Variants in MAGI2 observed in about 807,000 individuals in gnomAD.
MAGI2 encodes membrane-associated guanylate kinase, WW and PDZ domain-containing protein 2.
Under a neutral mutation model 133.3 loss-of-function variants are expected in MAGI2, and 35 were observed. The ratio of observed to expected loss-of-function variants is 0.26; its 90% CI spans 0.20 to 0.35. MAGI2 has a LOEUF of 0.35. Ranked by LOEUF, MAGI2 falls within the 10% of genes least tolerant of loss-of-function variation. MAGI2 has a pLI of 1.00. For missense variants in MAGI2, 1,636 were observed against 1,863.4 expected (o/e 0.88, Z 2.25); for synonymous variants, 729 against 710.6 (o/e 1.03, Z -0.41).
chr7:79,344,314 T>G (rs1841143638), intron 1 of MAGI2, among the ~76,000 whole-genome samples: 1 of 152,104 alleles, frequency 6.6e-6, no homozygotes, highest in South Asian at 2.1e-4. Flanking sequence ...ACTCCCAAGA[T>G]GTTTACAGGC....
chr7:78,061,344 A>G (rs1439312256), intron 21 of MAGI2, among the ~76,000 whole-genome samples: 3 of 150,848 alleles, frequency 2.0e-5, no homozygotes, highest in Middle Eastern at 3.2e-3. Flanking sequence ...CAGAATGACA[A>G]TGGGAATGGA....
At chr7:78,818,834 A>G (rs1789832889) in intron 2 of MAGI2, among the ~76,000 whole-genome samples, 3 of 152,090 alleles carry the variant, frequency 2.0e-5, no homozygotes, top group Non-Finnish European at 2.9e-5. Flanking sequence ...GTTACTAAAA[A>G]CTTGAGACTG....
intron 4 of MAGI2, among the ~76,000 whole-genome samples, chr7:78,505,958 G>A (rs1205015539): frequency 1.9e-5 from 2 of 103,976 alleles, no homozygotes; most frequent in African/African-American, 1.0e-4. Flanking sequence ...AATGAGGGCT[G>A]GATTAAGTGA....
Position 78,836,617 on chromosome 7 carries a change from A to G in MAGI2, c.418+170473T>C, listed in dbSNP as rs553430803. On this transcript the variant is annotated intron_variant, in intron 2 of 21. Transcript: ENST00000354212. ...TTAGTGATAGCTTAACTTCTTTTGG[A>G]GAAATCACCATTTGTTTTACAACTT... is the stretch of plus-strand genomic sequence containing the variant. 3.2e-4 allele frequency among the ~76,000 whole-genome samples: 48 copies of G among 152,276 alleles called. No individual in the cohort carries two copies. The South Asian group carries it at 9.5e-3, about 30-fold the overall frequency.
chr7:78,233,572 A>G (rs1297300812), intron 10 of MAGI2, among the ~76,000 whole-genome samples: 1 of 152,122 alleles, frequency 6.6e-6, no homozygotes, highest in African/African-American at 2.4e-5. Flanking sequence ...ATACTTGGAT[A>G]ATCTTTCAAG....
At chr7:78,986,321 C>G (rs954991759) in intron 2 of MAGI2, among the ~76,000 whole-genome samples, 2 of 152,012 alleles carry the variant, frequency 1.3e-5, no homozygotes, top group Admixed American at 6.6e-5. Flanking sequence ...ATTTAAGAAT[C>G]TATTTTTCCT....
chr7:79,321,098 T>A (rs950409286), intron 1 of MAGI2, among the ~76,000 whole-genome samples: 2 of 152,166 alleles, frequency 1.3e-5, no homozygotes, highest in Non-Finnish European at 2.9e-5. Flanking sequence ...TGCAGTACTA[T>A]GGTCCTTTTT....
chr7:78,972,878 C>T lies in MAGI2; in HGVS notation c.418+34212G>A, dbSNP rs542507605. ...ATATGCTTATTTTGGGAGGTATTTACGGCTAAAATTAACTGAAGTAAAGAG... is the reference window on the plus strand; with the variant it reads ...ATATGCTTATTTTGGGAGGTATTTATGGCTAAAATTAACTGAAGTAAAGAG... On this transcript the variant is annotated intron_variant, in intron 2 of 21. Transcript: ENST00000354212. 4.8e-3 allele frequency among the ~76,000 whole-genome samples: 729 copies of T among 151,326 alleles called. 9 individuals carry two copies. The highest frequency in any genetic ancestry group is 6.6e-3 in the Non-Finnish European group (449 of 67,782).
intron 9 of MAGI2, among the ~76,000 whole-genome samples, chr7:78,281,475 A>G (rs1010904945): frequency 6.6e-6 from 1 of 152,112 alleles, no homozygotes; most frequent in Admixed American, 6.6e-5. Flanking sequence ...TTGTGAAGTA[A>G]GTAAGTGCCT....
chr7:78,192,834 G>A (rs538618852), intron 12 of MAGI2, among the ~76,000 whole-genome samples: 15 of 152,242 alleles, frequency 9.9e-5, no homozygotes, highest in African/African-American at 3.6e-4. Flanking sequence ...AGCAGGAAGG[G>A]GTTGTGATGA....
intron 3 of MAGI2, among the ~76,000 whole-genome samples, chr7:78,592,993 C>G (rs1027281263): frequency 6.6e-6 from 1 of 151,766 alleles, no homozygotes; most frequent in African/African-American, 2.4e-5. Context: ...GCCACCACAC[C>G]AAGCATTTTT....
chr7:78,255,623 T>C, intron 10 of MAGI2: 1 of 537,508 alleles, frequency 1.9e-6, no homozygotes, highest in Non-Finnish European at 3.2e-6. Context: ...GAGTTCTCCA[T>C]GACCGATACA....
chr7:78,614,377 C>A (rs1806836545), intron 3 of MAGI2: 1 of 151,260 alleles, frequency 6.6e-6, no homozygotes, highest in Admixed American at 6.6e-5. Context: ...TGTAAATTCA[C>A]ATTTTATTAA....
At chr7:78,439,543 C>A (rs1415986063) in intron 6 of MAGI2, among the ~76,000 whole-genome samples, 1 of 152,046 alleles carries the variant, frequency 6.6e-6, no homozygotes, top group Non-Finnish European at 1.5e-5. Flanking sequence ...GGGGGCACAG[C>A]AAGAGTGAAG....
intron 1 of MAGI2, among the ~76,000 whole-genome samples, chr7:79,408,538 G>A (rs115412295): frequency 6.6e-6 from 1 of 151,906 alleles, no homozygotes; most frequent in Admixed American, 6.6e-5. Context: ...ATAAGTGAGG[G>A]ATTAAATAAA....
intron 3 of MAGI2, among the ~76,000 whole-genome samples, chr7:78,574,832 A>T (rs944820884): frequency 2.0e-5 from 3 of 152,246 alleles, no homozygotes; most frequent in African/African-American, 2.4e-5. Context: ...TGGCAAGGTG[A>T]TGACGGTGAA....
chr7:79,010,318 G>A (rs1475640320), intron 1 of MAGI2, among the ~76,000 whole-genome samples: 1 of 151,824 alleles, frequency 6.6e-6, no homozygotes, highest in Non-Finnish European at 1.5e-5. Context: ...TAGGTATAAA[G>A]GCATATTTAT....
At chr7:79,164,600 T>C (rs769975470) in intron 1 of MAGI2, among the ~76,000 whole-genome samples, 1 of 151,992 alleles carries the variant, frequency 6.6e-6, no homozygotes, top group Non-Finnish European at 1.5e-5. Flanking sequence ...CCACAGTCTT[T>C]TACCCTGAAC....
At chr7:78,050,753 GCT>G (rs1811923976) in intron 21 of MAGI2, among the ~76,000 whole-genome samples, 1 of 152,084 alleles carries the variant, frequency 6.6e-6, no homozygotes, top group Admixed American at 6.5e-5. Flanking sequence ...GGGCCTGTCT[GCT>G]CTAGTTCTCA....
Sources: allele counts gnomAD v4.1 joint callset (sites outside exome capture counted in the v4.1 genomes callset), GRCh38; gene constraint gnomAD v4.1.1; transcripts MANE v1.5; gene names NCBI Gene and HGNC (gene_info 2026-07-23, HGNC 2026-07-21).